The following MYT1 variants were observed in gnomAD, a reference collection of about 807,000 sequenced individuals.
The protein encoded by MYT1 is myelin transcription factor 1.
MYT1 carries 23 observed loss-of-function variants against 123.0 expected under a neutral mutation model. That is an observed-to-expected ratio of 0.19 (90% confidence interval 0.13 to 0.26). The LOEUF (loss-of-function observed/expected upper bound fraction) is 0.26, where lower values mean the gene tolerates loss of function less well. Among genes scored for constraint, MYT1 ranks in the 10% least tolerant of loss-of-function variants. MYT1 has a pLI of 1.00. For missense variants in MYT1, 1,125 were observed against 1,472.5 expected, an observed-to-expected ratio of 0.76 and a Z score of 3.86; for synonymous variants, 518 against 575.3, an observed-to-expected ratio of 0.90 and a Z score of 1.43.
At chr20:64,194,238 G>T (rs1177803242) in intron 2 of MYT1, among the ~76,000 whole-genome samples, 1 of 152,216 alleles carries the variant, frequency 6.6e-6, no homozygotes, top group Non-Finnish European at 1.5e-5. Flanking sequence ...ACAAGGTGGA[G>T]ACTGAGAGGA....
rs1982987295 is a variant in MYT1, at chr20:64,192,113, A to G, written c.-1+1953A>G. ...AAACTCAGAGAGTTTGGGACCTACC[A>G]TGACAACCCATGGCTGTTCAAAGTG... On this transcript the variant is annotated intron_variant, in intron 2 of 22. Coordinates refer to ENST00000328439, the MANE Select transcript of MYT1 (RefSeq NM_004535.3). The surrounding 1 kb of genome is among the most constrained non-coding windows in gnomAD (Gnocchi z 5.3). Among the ~76,000 whole-genome samples the G allele has an allele frequency of 6.6e-6, 1 of 152,148 alleles. No individual in the cohort carries two copies. Among genetic ancestry groups the G allele is most frequent in the African/African-American group, 2.4e-5 (1 of 41,432 alleles).
rs965028788 is a variant in MYT1 at position 64,191,362 on chromosome 20, G to A, written c.-1+1202G>A. On this transcript the variant is annotated intron_variant, in intron 2 of 22. Coordinates refer to ENST00000328439, the MANE Select transcript of MYT1 (RefSeq NM_004535.3). The surrounding 1 kb of genome is among the most constrained non-coding windows in gnomAD (Gnocchi z 4.1). The stretch of plus-strand genomic sequence containing the variant: ...TAGAACTTCCCACCAATACTCTCTG[G>A]ATGAGGCCAGGTCCCCAGGGTCAGG... 6.6e-6 allele frequency: 1 copy of A among 152,232 alleles called. No individual in the cohort carries two copies. Among genetic ancestry groups the A allele is most frequent in the African/African-American group, 2.4e-5 (1 of 41,430 alleles). 9.4% of individuals were successfully genotyped at this position (152,232 alleles called of 1,614,324 possible).
chr20:64,226,395 G>A (rs2145728382), intron 16 of MYT1, among the ~76,000 whole-genome samples: 1 of 152,332 alleles, frequency 6.6e-6, no homozygotes, highest in African/African-American at 2.4e-5. Context: ...GATGTCACAT[G>A]TGCTGGTGGA....
chr20:64,217,010 G>A (rs930634435), intron 10 of MYT1, 57 bp from the exon 11 acceptor site: 2 of 1,539,254 alleles, frequency 1.3e-6, no homozygotes, highest in African/African-American at 1.4e-5. Flanking sequence ...TGGGGAGGGT[G>A]GCACGGGATC....
rs1408417127 is a variant in MYT1, at chr20:64,213,186, G to A, written c.1518-348G>A. On this transcript the variant is annotated intron_variant, in intron 9 of 22. Transcript: ENST00000328439. This position sits in a 1 kb window ranked among gnomAD's most constrained non-coding sequence, Gnocchi z 5.6. ...CCTGCAAGCTGGGAAGGGAGAGGAA[G>A]GGGGTGAGGGCAAGCCTGTCTCCCA... 6.6e-6 allele frequency among the ~76,000 whole-genome samples: 1 copy of A among 152,176 alleles called. No individual in the cohort carries two copies. The highest frequency in any genetic ancestry group is 1.5e-5 in the Non-Finnish European group (1 of 68,040).
At chr20:64,222,153 C>G in intron 14 of MYT1, 106 bp downstream of exon 14, 6 of 1,321,018 alleles carry the variant, frequency 4.5e-6, no homozygotes, top group Non-Finnish European at 6.3e-6. Context: ...CAGGCTTTCC[C>G]CGACCTGTCC....
chr20:64,205,684 G>T lies in MYT1; in HGVS notation c.281G>T (p.Ser94Ile). The T allele has an allele frequency of 1.2e-6, 2 of 1,614,240 alleles. No homozygotes were observed. Among genetic ancestry groups the T allele is most frequent in the African/African-American group, 2.7e-5 (2 of 75,080 alleles). ...GGCTATGGTGTGGACAGCGACGGCA[G>T]TGAGGACACTGAGGTGAAGGACGCC... The part of the protein sequence containing the change: ...DEGYGVDSDG[S>I]EDTEVKDASV... Residue 94 changes from serine to isoleucine, a missense_variant, in exon 6 of 23, where the codon AGT (serine) becomes ATT (isoleucine). Physicochemically the swap from Ser to Ile is moderately radical, Grantham distance 142 (BLOSUM62 -2). Around this residue, in one of 4 missense-constraint regions of MYT1, gnomAD observed 406 missense variants for 432.2 expected, o/e 0.94. Transcript: ENST00000328439.
rs760874540 is a variant in MYT1 at position 64,237,613 on chromosome 20, G to T, written c.3093+223G>T. ...GAGTGCCAGTGGGCCGCCGGAGCTG[G>T]TTGTCCCGCCAGGGCTGTGGTCTCA... On this transcript the variant is annotated intron_variant, in intron 21 of 22. Coordinates refer to ENST00000328439, the MANE Select transcript of MYT1 (RefSeq NM_004535.3). Among the ~76,000 whole-genome samples, 3 of 152,336 alleles carry T rather than the reference G, an allele frequency of 2.0e-5. No homozygotes were observed. In the East Asian group the frequency reaches 5.8e-4, roughly 29 times the overall value.
intron 2 of MYT1, among the ~76,000 whole-genome samples, chr20:64,197,465 T>C (rs908250590): frequency 5.9e-5 from 9 of 152,236 alleles, no homozygotes; most frequent in African/African-American, 2.2e-4. Context: ...ACTCCCCTGC[T>C]TTCCCTTTGA....
At position 64,167,254 on chromosome 20, in the gene MYT1, C is replaced by T. The variant is rs941663952; in HGVS notation, c.-99+2515C>T. Among the ~76,000 whole-genome samples, 63 of 152,294 alleles carry T rather than the reference C, an allele frequency of 4.1e-4. No individual in the cohort carries two copies. Among genetic ancestry groups the T allele is most frequent in the African/African-American group, 1.2e-3 (50 of 41,560 alleles). Reference sequence around the variant, plus strand: ...CAGAGAGAAACCCGGGGCCTCCAGCCGCTGCTCGGTGGCAGTGGGCGGGCT... The same window carrying T: ...CAGAGAGAAACCCGGGGCCTCCAGCTGCTGCTCGGTGGCAGTGGGCGGGCT... On this transcript the variant is annotated intron_variant, in intron 1 of 22. Coordinates refer to ENST00000328439, the MANE Select transcript of MYT1 (RefSeq NM_004535.3). This position sits in a 1 kb window ranked among gnomAD's most constrained non-coding sequence, Gnocchi z 6.3.
intron 19 of MYT1, among the ~76,000 whole-genome samples, chr20:64,235,681 G>A (rs1239771145): frequency 1.4e-5 from 2 of 142,130 alleles, no homozygotes. Flanking sequence ...GGGTGACACT[G>A]GGCTGGTGGT....
Position 64,193,575 on chromosome 20 carries a change from C to G in MYT1, c.-1+3415C>G, listed in dbSNP as rs1480290443. ...CATGGCTCTGTCTTTCTCCCCTCCC[C>G]TCACTGCAGAGAAGTGAGACTGAAT... On this transcript the variant is annotated intron_variant, in intron 2 of 22. Coordinates refer to ENST00000328439, the MANE Select transcript of MYT1 (RefSeq NM_004535.3). The surrounding 1 kb of genome is among the most constrained non-coding windows in gnomAD (Gnocchi z 4.0). Among the ~76,000 whole-genome samples the G allele has an allele frequency of 6.6e-6, 1 of 152,116 alleles. No homozygotes were observed. The highest frequency in any genetic ancestry group is 2.4e-5 in the African/African-American group (1 of 41,410).
chr20:64,227,417 G>GC lies in MYT1; in HGVS notation c.2535dup (p.Thr846HisfsTer5), dbSNP rs903662252. 6.2e-7 allele frequency: 1 copy of GC among 1,612,502 alleles called. No homozygotes were observed. Among genetic ancestry groups the GC allele is most frequent in the African/African-American group, 1.3e-5 (1 of 74,930 alleles). ...TCCAGTTCTGCTTCCCTCTGCAGGT[G>GC]CCCCACGCCCGGCTGTGACGGCTCT... On this transcript the variant is annotated frameshift_variant, in exon 17 of 23. Coordinates refer to ENST00000328439, the MANE Select transcript of MYT1 (RefSeq NM_004535.3). LOFTEE classifies it high-confidence loss of function.
rs963875463 is a variant in MYT1, at chr20:64,212,842, G to A, written c.1518-692G>A. On this transcript the variant is annotated intron_variant, in intron 9 of 22. Coordinates refer to ENST00000328439, the MANE Select transcript of MYT1 (RefSeq NM_004535.3). The surrounding 1 kb of genome is among the most constrained non-coding windows in gnomAD (Gnocchi z 6.8). ...CTTACCCTAAGTGCCATGGGTGGCC[G>A]TGGCCTCGGTGGGATATGCTTTCCC... Among the ~76,000 whole-genome samples the A allele has an allele frequency of 3.3e-5, 5 of 152,142 alleles. No homozygotes were observed. Among genetic ancestry groups the A allele is most frequent in the African/African-American group, 1.2e-4 (5 of 41,408 alleles).
Position 64,232,059 on chromosome 20 carries a change from T to G in MYT1, c.2676-105T>G, listed in dbSNP as rs1984335271. 1 of 1,171,050 alleles carries G rather than the reference T, an allele frequency of 8.5e-7. No individual in the cohort carries two copies. Among genetic ancestry groups the G allele is most frequent in the African/African-American group, 1.5e-5 (1 of 65,758 alleles). 72.5% of individuals were successfully genotyped at this position (1,171,050 alleles called of 1,614,324 possible). A position where few individuals can be genotyped will look rare whatever the true frequency, so the allele number is the denominator to read the frequency against. On this transcript the variant is annotated intron_variant, in intron 18 of 22. Transcript: ENST00000328439. The surrounding 1 kb of genome is among the most constrained non-coding windows in gnomAD (Gnocchi z 6.9). Reference sequence around the variant, plus strand: ...CTCCCTGCCTCACTCAGAAGCCCTTTAACGGCTCTGAGTTGGGCTCCCCTT... The same window carrying G: ...CTCCCTGCCTCACTCAGAAGCCCTTGAACGGCTCTGAGTTGGGCTCCCCTT...
In MYT1 at chr20:64,205,567, C is replaced by A. The variant is rs1324322410; in HGVS notation, c.164C>A (p.Pro55His). The change falls in exon 6 of 23, where the codon CCC becomes CAC. Residue 55 changes from proline (P) to histidine (H), a missense_variant. Pro to His is a moderately conservative substitution (Grantham distance 77). Coordinates refer to ENST00000328439, the MANE Select transcript of MYT1 (RefSeq NM_004535.3). ...CTCCCTCCCAGTTTACAGAGCTGCC[C>A]CCTGGCCAAGAAGAGGAAGCTGGAG... Reference protein sequence around the residue: ...YSRHRSLQSCPLAKKRKLEGA... With the variant: ...YSRHRSLQSCHLAKKRKLEGA... 4 of 1,613,916 alleles carry A rather than the reference C, an allele frequency of 2.5e-6. No homozygotes were observed. The highest frequency in any genetic ancestry group is 3.4e-6 in the Non-Finnish European group (4 of 1,180,020).
intron 19 of MYT1, among the ~76,000 whole-genome samples, chr20:64,233,111 C>T (rs1418971484): frequency 1.4e-5 from 2 of 140,298 alleles, no homozygotes; most frequent in South Asian, 2.5e-4. Context: ...CCCTTCTTCC[C>T]TCCTCCTTCC....
chr20:64,227,386 T>A (rs1381535532), intron 16 of MYT1, 29 bp from the exon 17 acceptor site: 1 of 1,610,276 alleles, frequency 6.2e-7, no homozygotes, highest in East Asian at 2.2e-5. Context: ...CTTCACGGGC[T>A]CCCGTTCCAG....
rs1982815305 is a variant in MYT1, at chr20:64,186,804, TG to T, written c.-98-3258del. On this transcript the variant is annotated intron_variant, in intron 1 of 22. Transcript: ENST00000328439. The surrounding 1 kb of genome is among the most constrained non-coding windows in gnomAD (Gnocchi z 4.3). Reference sequence around the variant, plus strand: ...TCCACGTTTCCGTGGAGACTTTTCCTGTAGCCTGTGGCCCCGGCATCCACGT... The same window carrying T: ...TCCACGTTTCCGTGGAGACTTTTCCTTAGCCTGTGGCCCCGGCATCCACGT... Among the ~76,000 whole-genome samples the T allele has an allele frequency of 6.6e-6, 1 of 151,872 alleles. No homozygotes were observed. Among genetic ancestry groups the T allele is most frequent in the East Asian group, 1.9e-4 (1 of 5,138 alleles).
Sources: allele counts gnomAD v4.1 joint callset (sites outside exome capture counted in the v4.1 genomes callset), GRCh38; gene constraint gnomAD v4.1.1; regional missense constraint gnomAD v4.1.1; non-coding constraint Gnocchi (gnomAD v3.1); transcripts MANE v1.5; gene names NCBI Gene and HGNC (gene_info 2026-07-23, HGNC 2026-07-21).